Variants in VAT1L observed in about 807,000 individuals in gnomAD.
VAT1L encodes the protein putative NADPH-dependent quinone oxidoreductase VAT1L.
A neutral mutation model predicts 44.1 loss-of-function variants in VAT1L; 34 were observed. The observed-to-expected ratio is 0.77, with a 90% CI of 0.59 to 1.03. VAT1L has a LOEUF of 1.03. Ranked by LOEUF, VAT1L falls within the 50% of genes least tolerant of loss-of-function variation. The pLI, the probability that VAT1L is intolerant of heterozygous loss-of-function variation, is 0.00. For missense variants in VAT1L, 615 were observed against 538.8 expected (o/e 1.14, Z -1.40); for synonymous variants, 253 against 202.2 (o/e 1.25, Z -2.13).
At chr16:77,948,612 G>A (rs371507103) in intron 7 of VAT1L, among the ~76,000 whole-genome samples, 11 of 151,936 alleles carry the variant, frequency 7.2e-5, no homozygotes, top group African/African-American at 2.2e-4. Flanking sequence ...CCTGTTACCC[G>A]GTTTCCACAA....
At chr16:77,842,248 T>C (rs1237104997) in intron 3 of VAT1L, among the ~76,000 whole-genome samples, 1 of 152,184 alleles carries the variant, frequency 6.6e-6, no homozygotes, top group Admixed American at 6.5e-5. Flanking sequence ...TAAAAACTCT[T>C]TCTGGGCCCT....
chr16:77,931,860 A>G (rs1344143571), intron 7 of VAT1L, among the ~76,000 whole-genome samples: 1 of 152,224 alleles, frequency 6.6e-6, no homozygotes, highest in Non-Finnish European at 1.5e-5. Context: ...CACCTAAGCA[A>G]CTATGTGAAC....
chr16:77,807,685 G>C (rs201963904), intron 1 of VAT1L, among the ~76,000 whole-genome samples: 8 of 152,166 alleles, frequency 5.3e-5, no homozygotes, highest in Admixed American at 5.2e-4. Context: ...ACAGTGATTC[G>C]GATAGCAAGC....
chr16:77,889,072 T>C (rs1482164318), intron 7 of VAT1L, among the ~76,000 whole-genome samples: 1 of 152,206 alleles, frequency 6.6e-6, no homozygotes, highest in African/African-American at 2.4e-5. Flanking sequence ...AACATGCTTA[T>C]TACTTGCAAA....
chr16:77,932,599 G>C (rs994240764), intron 7 of VAT1L, among the ~76,000 whole-genome samples: 1 of 152,102 alleles, frequency 6.6e-6, no homozygotes, highest in Non-Finnish European at 1.5e-5. Flanking sequence ...TTATCAAATC[G>C]TAGCAACACA....
chr16:77,914,011 T>C (rs764288828), intron 7 of VAT1L, among the ~76,000 whole-genome samples: 3 of 152,184 alleles, frequency 2.0e-5, no homozygotes, highest in Non-Finnish European at 4.4e-5. Context: ...ATCTGTTCTT[T>C]TGAAAACCAA....
intron 3 of VAT1L, among the ~76,000 whole-genome samples, chr16:77,839,428 C>G (rs2016678492): frequency 6.7e-6 from 1 of 149,518 alleles, no homozygotes; most frequent in Non-Finnish European, 1.5e-5. Context: ...TCCAGCTACT[C>G]AGGAGGCTGA....
At chr16:77,855,080 G>T (rs1219749571) in intron 3 of VAT1L, among the ~76,000 whole-genome samples, 3 of 152,114 alleles carry the variant, frequency 2.0e-5, no homozygotes, top group Non-Finnish European at 4.4e-5. Flanking sequence ...GCTGTTTCAC[G>T]CCTGTAATCC....
intron 7 of VAT1L, among the ~76,000 whole-genome samples, chr16:77,958,536 G>A (rs1485865773): frequency 1.3e-5 from 2 of 152,142 alleles, no homozygotes; most frequent in Non-Finnish European, 2.9e-5. Flanking sequence ...CCAGCACTGT[G>A]GAGCGTTGTT....
chr16:77,867,845 C>T (rs779389287), intron 4 of VAT1L, among the ~76,000 whole-genome samples: 15 of 142,082 alleles, frequency 1.1e-4, no homozygotes, highest in Non-Finnish European at 1.5e-4. Flanking sequence ...GGCGACAGAG[C>T]GAGACTATCT....
At chr16:77,950,409 AACACACACACACACACACACACAC>A (rs61168492) in intron 7 of VAT1L, among the ~76,000 whole-genome samples, 4 of 131,432 alleles carry the variant, frequency 3.0e-5, no homozygotes, top group East Asian at 2.3e-4. Context: ...ATTCCATCTA[AACACACACACACACACACACACAC>A]ACACACACAC....
chr16:77,959,290 C>G (rs1211985003), intron 7 of VAT1L, among the ~76,000 whole-genome samples: 2 of 152,210 alleles, frequency 1.3e-5, no homozygotes, highest in African/African-American at 4.8e-5. Context: ...GGGTCAGAAT[C>G]TTGGGGCTCA....
At chr16:77,967,708 A>G (rs1160903363) in intron 7 of VAT1L, among the ~76,000 whole-genome samples, 1 of 152,210 alleles carries the variant, frequency 6.6e-6, no homozygotes, top group Non-Finnish European at 1.5e-5. Context: ...CTGGTGAGAA[A>G]ACAGCTTTTC....
intron 3 of VAT1L, among the ~76,000 whole-genome samples, chr16:77,855,264 C>T (rs766683930): frequency 6.6e-5 from 10 of 151,226 alleles, no homozygotes; most frequent in African/African-American, 1.2e-4. Flanking sequence ...CGCTCGAACC[C>T]GGGAAGCAGA....
intron 3 of VAT1L, among the ~76,000 whole-genome samples, 177 bp downstream of exon 3, chr16:77,825,638 C>T (rs1488898464): frequency 1.3e-5 from 2 of 152,006 alleles, no homozygotes; most frequent in Non-Finnish European, 2.9e-5. Flanking sequence ...TAGGATAAGC[C>T]TGAGAGATGG....
chr16:77,876,381 A>C lies in VAT1L; in HGVS notation c.734A>C (p.Glu245Ala), dbSNP rs750691333. The change falls in exon 5 of 9, where the codon GAA becomes GCA. Residue 245 changes from glutamate to alanine, a missense_variant. Glu to Ala is a moderately radical substitution (Grantham distance 107). Transcript: ENST00000302536. ...TTCTCACCATTTAGAATCTCTGCTG[A>C]AGGTGTGGACATCGTTTTGGATTGC... ...YVQEVKRISAEGVDIVLDCLC... is the reference protein window; with the variant it reads ...YVQEVKRISAAGVDIVLDCLC... 6.2e-7 allele frequency: 1 copy of C among 1,614,154 alleles called. No individual in the cohort carries two copies. The highest frequency in any genetic ancestry group is 8.5e-7 in the Non-Finnish European group (1 of 1,180,016).
chr16:77,855,934 C>G (rs2016854059), intron 3 of VAT1L, among the ~76,000 whole-genome samples: 1 of 152,158 alleles, frequency 6.6e-6, no homozygotes. Context: ...AGAAGAATTG[C>G]TTGAACACAG....
intron 7 of VAT1L, among the ~76,000 whole-genome samples, chr16:77,958,185 G>A (rs894557390): frequency 7.9e-5 from 12 of 152,088 alleles, no homozygotes; most frequent in African/African-American, 2.9e-4. Flanking sequence ...GGGATTACAG[G>A]CATGAACCAC....
At chr16:77,970,292 GT>G (rs1192856550) in intron 7 of VAT1L, among the ~76,000 whole-genome samples, 2 of 152,108 alleles carry the variant, frequency 1.3e-5, no homozygotes, top group Non-Finnish European at 2.9e-5. Flanking sequence ...GCATTTAAAA[GT>G]GCATTTATAT....
Sources: allele counts gnomAD v4.1 joint callset (sites outside exome capture counted in the v4.1 genomes callset), GRCh38; gene constraint gnomAD v4.1.1; transcripts MANE v1.5; gene names NCBI Gene and HGNC (gene_info 2026-07-23, HGNC 2026-07-21).